NIPBL: variants seen among roughly 807,000 people sequenced by gnomAD.
NIPBL encodes NIPBL cohesin loading factor.
Under a neutral mutation model 321.8 loss-of-function variants are expected in NIPBL, and 19 were observed. That is an observed-to-expected ratio of 0.06 (90% CI 0.04 to 0.09). The LOEUF is 0.09. NIPBL is among the 10% of genes least tolerant of loss of function. The pLI, the probability that NIPBL is intolerant of heterozygous loss-of-function variation, is 1.00. For missense variants in NIPBL, 2,210 were observed against 3,327.0 expected (o/e 0.66, Z 8.26); for synonymous variants, 1,106 against 1,114.1 (o/e 0.99, Z 0.14).
At chr5:36,929,973 G>C (rs1291498678) in intron 1 of NIPBL, among the ~76,000 whole-genome samples, 3 of 151,850 alleles carry the variant, frequency 2.0e-5, no homozygotes, top group African/African-American at 7.3e-5. Context: ...ACACAATCTT[G>C]ATTACTGTAG....
At position 36,918,885 on chromosome 5, in the gene NIPBL, A is replaced by G. The variant is rs1019992597; in HGVS notation, c.-79-34733A>G. On this transcript the variant is annotated intron_variant, in intron 1 of 46. Transcript: ENST00000282516. ...TCCCAAGGATGAAACCCACTTGATC[A>G]CGGTGGATAAGCTTTTTGATGTGCT... is the stretch of plus-strand genomic sequence containing the variant. Among the ~76,000 whole-genome samples the G allele has an allele frequency of 3.3e-5, 5 of 152,256 alleles. No individual in the cohort carries two copies. The South Asian group carries it at 1.0e-3, about 32-fold the overall frequency.
chr5:36,945,776 G>C (rs566315174), intron 1 of NIPBL, among the ~76,000 whole-genome samples: 1 of 152,246 alleles, frequency 6.6e-6, no homozygotes, highest in South Asian at 2.1e-4. Context: ...GGTAGGATTT[G>C]AGGAAGATCC....
chr5:37,038,727 A>G lies in NIPBL; in HGVS notation c.6097A>G (p.Thr2033Ala). Reference sequence around the variant, plus strand: ...AATGACTATGCAACCATACCTTACCACTAAATGTAGTGTAAGTATAGAGCT... The same window carrying G: ...AATGACTATGCAACCATACCTTACCGCTAAATGTAGTGTAAGTATAGAGCT... The part of the protein sequence containing the change: ...HAMTMQPYLT[T>A]KCSTQNDFMV... Residue 2033 changes from threonine to alanine, a missense_variant, in exon 34 of 47, where the codon ACT (threonine) becomes GCT (alanine). This residue lies in a region of NIPBL where 73 missense variants were observed against 222.3 expected (regional missense o/e 0.33). Transcript: ENST00000282516. 6.2e-7 allele frequency: 1 copy of G among 1,613,428 alleles called. No homozygotes were observed. The highest frequency in any genetic ancestry group is 8.5e-7 in the Non-Finnish European group (1 of 1,179,768).
intron 6 of NIPBL, among the ~76,000 whole-genome samples, chr5:36,962,767 T>C (rs1009766276): frequency 5.9e-5 from 9 of 152,182 alleles, no homozygotes; most frequent in African/African-American, 2.2e-4. Context: ...ATAAACAATA[T>C]AGTATAGCAA....
chr5:36,970,535 G>A (rs1051563317), intron 6 of NIPBL, among the ~76,000 whole-genome samples: 1 of 151,098 alleles, frequency 6.6e-6, no homozygotes, highest in Non-Finnish European at 1.5e-5. Flanking sequence ...GAATTACTTA[G>A]GAATATATTC....
chr5:37,044,698 A>G lies in NIPBL; in HGVS notation c.6312A>G (p.Lys2104=), dbSNP rs147865925. 1.5e-4 allele frequency: 241 copies of G among 1,613,600 alleles called. No homozygotes were observed. The highest frequency in any genetic ancestry group is 2.0e-4 in the Non-Finnish European group (236 of 1,179,702). Residue 2104 remains lysine (K), a synonymous_variant, in exon 36 of 47, where the codon AAA becomes AAG. Coordinates refer to ENST00000282516, the MANE Select transcript of NIPBL (RefSeq NM_133433.4). ...TAAATAAAGTGACACAAAATTTTAA[A>G]TTTGTGTGGGCTTGTTTCAATAGAT... ...AVVNKVTQNF[K]FVWACFNRYY...
At chr5:36,885,933 A>G in intron 1 of NIPBL, 1 of 736,882 alleles carries the variant, frequency 1.4e-6, no homozygotes, top group Non-Finnish European at 2.5e-6. Flanking sequence ...AAATCTCAGG[A>G]CCTCGCCAAG....
intron 21 of NIPBL, among the ~76,000 whole-genome samples, chr5:37,012,210 C>T (rs1230501045): frequency 2.0e-5 from 3 of 150,612 alleles, no homozygotes; most frequent in African/African-American, 7.3e-5. Flanking sequence ...GTTGCAGCAG[C>T]GTGATCACAG....
At chr5:36,956,180 G>A (rs923224758) in intron 3 of NIPBL, among the ~76,000 whole-genome samples, 1 of 151,824 alleles carries the variant, frequency 6.6e-6, no homozygotes, top group East Asian at 1.9e-4. Context: ...GCAGTGAGCC[G>A]AGATCACGCC....
chr5:36,890,384 C>G (rs1746230249), intron 1 of NIPBL, among the ~76,000 whole-genome samples: 1 of 152,040 alleles, frequency 6.6e-6, no homozygotes, highest in Admixed American at 6.5e-5. Flanking sequence ...TAATTTTATT[C>G]TGCTATAATC....
chr5:37,013,754 T>C (rs1240877838), intron 21 of NIPBL, among the ~76,000 whole-genome samples: 1 of 149,170 alleles, frequency 6.7e-6, no homozygotes, highest in African/African-American at 2.5e-5. Flanking sequence ...GCTCCTCACA[T>C]CCCAGACGAT....
intron 1 of NIPBL, among the ~76,000 whole-genome samples, chr5:36,899,236 C>G (rs1033859887): frequency 6.6e-6 from 1 of 151,998 alleles, no homozygotes; most frequent in Admixed American, 6.6e-5. Flanking sequence ...CAAAAAGTTA[C>G]AGTTTAAAGA....
chr5:37,042,446 T>C (rs1276247494), intron 34 of NIPBL, among the ~76,000 whole-genome samples: 1 of 148,536 alleles, frequency 6.7e-6, no homozygotes, highest in African/African-American at 2.5e-5. Flanking sequence ...AAAAAAAAAG[T>C]CCAAAATCTA....
chr5:37,033,773 G>T (rs1195319636), intron 32 of NIPBL, among the ~76,000 whole-genome samples: 3 of 110,498 alleles, frequency 2.7e-5, no homozygotes, highest in African/African-American at 1.1e-4. Flanking sequence ...TTGCTGTGTT[G>T]CCCAGGCTGG....
chr5:36,970,987 A>G lies in NIPBL; in HGVS notation c.722A>G (p.His241Arg). 1.9e-6 allele frequency: 3 copies of G among 1,613,856 alleles called. No individual in the cohort carries two copies. In the East Asian group the frequency reaches 6.7e-5, roughly 36 times the overall value. Residue 241 changes from histidine to arginine, a missense_variant, in exon 7 of 47, where the codon CAT becomes CGT. Physicochemically the swap from His to Arg is conservative, Grantham distance 29 (BLOSUM62 0). This residue lies in a region of NIPBL where 464 missense variants were observed against 529.5 expected (regional missense o/e 0.88). Coordinates refer to ENST00000282516, the MANE Select transcript of NIPBL (RefSeq NM_133433.4). ...SANHHADNPRHGSSEDYLHMV... is the reference protein window; with the variant it reads ...SANHHADNPRRGSSEDYLHMV... ...AATCATCATGCTGATAATCCTAGAC[A>G]TGGTTCAAGTGAGGACTACCTACAC...
intron 1 of NIPBL, among the ~76,000 whole-genome samples, chr5:36,915,623 A>C (rs1748400085): frequency 6.6e-6 from 1 of 152,188 alleles, no homozygotes; most frequent in South Asian, 2.1e-4. Flanking sequence ...GTTACATTTT[A>C]ATATTTAAAA....
intron 1 of NIPBL, among the ~76,000 whole-genome samples, chr5:36,934,153 CGTT>C (rs1749985719): frequency 6.6e-6 from 1 of 151,956 alleles, no homozygotes; most frequent in South Asian, 2.1e-4. Context: ...TTGTGTAAGA[CGTT>C]GTGTTTTTTA....
At chr5:36,959,597 G>C (rs1741368256) in intron 4 of NIPBL, among the ~76,000 whole-genome samples, 2 of 152,172 alleles carry the variant, frequency 1.3e-5, no homozygotes, top group Non-Finnish European at 2.9e-5. Flanking sequence ...AAAGAGAGTT[G>C]AGTGGAAGAA....
chr5:37,011,315 C>T (rs556211869), intron 21 of NIPBL, among the ~76,000 whole-genome samples: 2 of 152,130 alleles, frequency 1.3e-5, no homozygotes, highest in East Asian at 1.9e-4. Flanking sequence ...CAGCACTTTG[C>T]GAGGTCAAGG....
Sources: gnomAD v4.1 joint callset for allele counts (sites outside exome capture counted in the v4.1 genomes callset) on GRCh38, gnomAD v4.1.1 for gene constraint, gnomAD v4.1.1 regional missense constraint, MANE v1.5 for transcripts, NCBI Gene and HGNC (gene_info 2026-07-23, HGNC 2026-07-21) for gene names.